NXN: variants seen among roughly 807,000 people sequenced by gnomAD.
NXN encodes the protein nucleoredoxin 1.
In NXN, 16 loss-of-function variants were observed where a neutral mutation model predicts 48.6. The ratio of observed to expected loss-of-function variants is 0.33; its 90% CI spans 0.22 to 0.50. NXN has a LOEUF of 0.50. NXN is among the 20% of genes least tolerant of loss of function. The probability of loss-of-function intolerance (pLI) is 0.98; values close to 1 mark genes in which losing one functional copy is unlikely to be tolerated. For missense variants in NXN, 492 were observed against 605.5 expected (o/e 0.81, Z 1.97); for synonymous variants, 281 against 269.6 (o/e 1.04, Z -0.41).
intron 1 of NXN, among the ~76,000 whole-genome samples, chr17:940,745 C>A (rs1216626590): frequency 4.6e-5 from 7 of 150,750 alleles, no homozygotes; most frequent in Admixed American, 6.6e-5. Context: ...GAACAAGATT[C>A]CAGGGCGCAG....
intron 1 of NXN, among the ~76,000 whole-genome samples, chr17:827,173 G>A (rs571632076): frequency 3.7e-4 from 56 of 152,236 alleles, no homozygotes; most frequent in African/African-American, 1.3e-3. Context: ...GTGGAACCCC[G>A]TCTCTACTTA....
chr17:933,796 G>T (rs148218148), intron 1 of NXN, among the ~76,000 whole-genome samples: 1 of 152,118 alleles, frequency 6.6e-6, no homozygotes, highest in African/African-American at 2.4e-5. Context: ...CTTTAGAAAT[G>T]TGCCTTCGTG....
chr17:842,876 T>C (rs529694722), intron 1 of NXN, among the ~76,000 whole-genome samples: 14 of 151,174 alleles, frequency 9.3e-5, no homozygotes, highest in Admixed American at 6.6e-4. Flanking sequence ...GAGGCGGAGG[T>C]TGCGGTAAGC....
chr17:969,173 T>C (rs1166039836), intron 1 of NXN, among the ~76,000 whole-genome samples: 1 of 152,192 alleles, frequency 6.6e-6, no homozygotes, highest in East Asian at 1.9e-4. Flanking sequence ...GCACGTGCTA[T>C]GCACCAGGCA....
chr17:979,108 A>AG (rs370371306), intron 1 of NXN, among the ~76,000 whole-genome samples: 114 of 60,860 alleles, frequency 1.9e-3, no homozygotes, highest in African/African-American at 9.5e-3. Context: ...ACAGCGCGGA[A>AG]GGGGGGGGGG....
rs376289081 is a variant in NXN at position 841,495 on chromosome 17, G to A, written c.361-15417C>T. On this transcript the variant is annotated intron_variant, in intron 1 of 7. Coordinates refer to ENST00000336868, the MANE Select transcript of NXN (RefSeq NM_022463.5). ...GGGCGAGCAGGTCCCCCCTGACCAC[G>A]GCGCATCTCACACGGGCGAGCAGGT... Among the ~76,000 whole-genome samples, 504 of 101,132 alleles carry A rather than the reference G, an allele frequency of 5.0e-3. 5 individuals are homozygous for A. Among genetic ancestry groups the A allele is most frequent in the Admixed American group, 0.014 (143 of 10,482 alleles). 66.3% of individuals were successfully genotyped at this position (101,132 alleles called of 152,430 possible).
chr17:819,793 C>A (rs1240028018), intron 4 of NXN, among the ~76,000 whole-genome samples: 1 of 152,126 alleles, frequency 6.6e-6, no homozygotes, highest in African/African-American at 2.4e-5. Context: ...AGCTCCCATC[C>A]AGGCAACGCA....
Position 868,887 on chromosome 17 carries a change from G to T in NXN, c.361-42809C>A, listed in dbSNP as rs1567841122. Among the ~76,000 whole-genome samples, 4 of 152,226 alleles carry T rather than the reference G, an allele frequency of 2.6e-5. No individual in the cohort carries two copies. The South Asian group carries it at 8.3e-4, about 31-fold the overall frequency. On this transcript the variant is annotated intron_variant, in intron 1 of 7. Coordinates refer to ENST00000336868, the MANE Select transcript of NXN (RefSeq NM_022463.5). ...CTGTGTTTGTAGGATAAGTAAATGA[G>T]CAGAGAAAGGAAAATGTCCAGATGC...
intron 1 of NXN, among the ~76,000 whole-genome samples, chr17:861,108 A>T (rs2068035787): frequency 6.6e-6 from 1 of 152,116 alleles, no homozygotes; most frequent in South Asian, 2.1e-4. Context: ...TATCAACTCA[A>T]GATTTTAAAA....
At chr17:866,508 C>A (rs1405582536) in intron 1 of NXN, among the ~76,000 whole-genome samples, 3 of 151,902 alleles carry the variant, frequency 2.0e-5, no homozygotes, top group African/African-American at 7.3e-5. Flanking sequence ...GGAGGCGGAG[C>A]ATGCAGTGAG....
intron 1 of NXN, among the ~76,000 whole-genome samples, chr17:953,844 G>C (rs2069138453): frequency 6.6e-6 from 1 of 152,126 alleles, no homozygotes; most frequent in Admixed American, 6.5e-5. Context: ...GGCTGGGGTG[G>C]GAGGATTGCT....
intron 1 of NXN, among the ~76,000 whole-genome samples, chr17:899,060 T>C (rs900235150): frequency 7.3e-5 from 11 of 150,344 alleles, no homozygotes; most frequent in Non-Finnish European, 1.2e-4. Context: ...CGGGTTCAAG[T>C]GATTCTCCTG....
At chr17:812,709 CATGTGAGTGTAGGGT>C (rs1209241087) in intron 5 of NXN, among the ~76,000 whole-genome samples, 27 of 126,566 alleles carry the variant, frequency 2.1e-4, no homozygotes, top group African/African-American at 2.9e-5. Context: ...TAGGTGTTTG[CATGTGAGTGTAGGGT>C]GTGTGAGTGT....
Position 819,419 on chromosome 17 carries a change from C to G in NXN, c.820+20G>C, listed in dbSNP as rs369660092. 1.5e-5 allele frequency: 24 copies of G among 1,599,110 alleles called. No individual in the cohort carries two copies. The highest frequency in any genetic ancestry group is 8.0e-5 in the African/African-American group (6 of 74,740). On this transcript the variant is annotated intron_variant, in intron 5 of 7. Transcript: ENST00000336868. ...GCAGGTTTCCAGGAGCCACACGGAG[C>G]CGGGGCCTGGAGCGCCTACCTTGGA...
At chr17:835,286 A>AGC (rs1913748431) in intron 1 of NXN, among the ~76,000 whole-genome samples, 1 of 150,606 alleles carries the variant, frequency 6.6e-6, no homozygotes, top group Non-Finnish European at 1.5e-5. Context: ...CCAGCCTGGA[A>AGC]GACAGACCGA....
chr17:969,023 C>G (rs1009296526), intron 1 of NXN, among the ~76,000 whole-genome samples: 4 of 152,002 alleles, frequency 2.6e-5, no homozygotes, highest in Non-Finnish European at 5.9e-5. Context: ...GTGATAGTCT[C>G]TAGATACAAA....
rs1303827025 is a variant in NXN at position 827,545 on chromosome 17, C to T, written c.361-1467G>A. On this transcript the variant is annotated intron_variant, in intron 1 of 7. Coordinates refer to ENST00000336868, the MANE Select transcript of NXN (RefSeq NM_022463.5). ...GGCTGAGGCAGGAGAATGGCGTGAA[C>T]CCGGGAGGCGGGGCTTGCGGTGAGC... Among the ~76,000 whole-genome samples, 2 of 152,182 alleles carry T rather than the reference C, an allele frequency of 1.3e-5. 1 individual carries two copies. The highest frequency in any genetic ancestry group is 2.9e-5 in the Non-Finnish European group (2 of 68,036).
In NXN at chr17:908,910, T is replaced by A. The variant is rs950209368; in HGVS notation, c.360+70409A>T. 1.2e-4 allele frequency among the ~76,000 whole-genome samples: 19 copies of A among 152,228 alleles called. 1 individual carries two copies. The highest frequency in any genetic ancestry group is 8.5e-4 in the Admixed American group (13 of 15,268). On this transcript the variant is annotated intron_variant, in intron 1 of 7. Transcript: ENST00000336868. Reference sequence around the variant, plus strand: ...CGAGGTCAGGAGTTTGAGACCAGCCTGGCCAACATGGTGAAACCCCCGTCT... The same window carrying A: ...CGAGGTCAGGAGTTTGAGACCAGCCAGGCCAACATGGTGAAACCCCCGTCT...
At chr17:812,311 C>CT (rs1912104047) in intron 5 of NXN, among the ~76,000 whole-genome samples, 3 of 152,350 alleles carry the variant, frequency 2.0e-5, no homozygotes, top group African/African-American at 7.2e-5. Flanking sequence ...GATCAAGCCA[C>CT]TGCCCCAGTG....
Sources: gnomAD v4.1 joint callset for allele counts (sites outside exome capture counted in the v4.1 genomes callset) on GRCh38, gnomAD v4.1.1 for gene constraint, MANE v1.5 for transcripts, NCBI Gene and HGNC (gene_info 2026-07-23, HGNC 2026-07-21) for gene names.